PTCH1: variants seen among roughly 807,000 people sequenced by gnomAD.
PTCH1 encodes patched 1, also known as protein patched homolog 1.
A neutral mutation model predicts 144.6 loss-of-function variants in PTCH1; 14 were observed. That is an observed-to-expected ratio of 0.10 (90% CI 0.06 to 0.15). PTCH1 has a LOEUF of 0.15. Ranked by LOEUF, PTCH1 falls within the 10% of genes least tolerant of loss-of-function variation. The probability of loss-of-function intolerance (pLI) is 1.00; values close to 1 mark genes in which losing one functional copy is unlikely to be tolerated. For synonymous variants in PTCH1, 833 were observed against 793.6 expected, an observed-to-expected ratio of 1.05 and a Z score of -0.83; for missense variants, 1,623 against 1,948.3, an observed-to-expected ratio of 0.83 and a Z score of 3.14.
rs749651063 is a variant in PTCH1 at position 95,467,171 on chromosome 9, T to C, written c.2505A>G (p.Glu835=). 19 of 1,614,140 alleles carry C rather than the reference T, an allele frequency of 1.2e-5. No individual in the cohort carries two copies. The highest frequency in any genetic ancestry group is 1.6e-5 in the Non-Finnish European group (19 of 1,180,056). The change falls in exon 15 of 24, where the codon GAA becomes GAG. Residue 835 remains glutamate, a synonymous_variant. Transcript: ENST00000331920. The stretch of plus-strand genomic sequence containing the variant: ...ACATTTTGGGAAGCTGTTTGTTTTC[T>C]TCCAACATGACATACTTCACGTTAC... ...SFSNVKYVML[E]ENKQLPKMWL...
At chr9:95,512,604 A>G (rs543728638), upstream of PTCH1, among the ~76,000 whole-genome samples, 15 of 152,012 alleles carry the variant, frequency 9.9e-5, no homozygotes, top group Non-Finnish European at 2.1e-4. Flanking sequence ...TTCCTAATCA[A>G]TCTGCCCTTA....
chr9:95,463,446 C>T (rs1839717201), intron 15 of PTCH1, among the ~76,000 whole-genome samples: 2 of 152,128 alleles, frequency 1.3e-5, no homozygotes, highest in Non-Finnish European at 2.9e-5. Context: ...GGCATGCACA[C>T]ACAGGGTACT....
chr9:95,449,448 C>G lies in PTCH1; in HGVS notation c.3550-125G>C. On this transcript the variant is annotated intron_variant, in intron 21 of 23. Transcript: ENST00000331920. This position sits in a 1 kb window ranked among gnomAD's most constrained non-coding sequence, Gnocchi z 5.3. Reference sequence around the variant, plus strand: ...TGCCCTGGGGCCCTGCGCACTGTGCCGTATTAACCTCCCCTTCTCTACCAC... The same window carrying G: ...TGCCCTGGGGCCCTGCGCACTGTGCGGTATTAACCTCCCCTTCTCTACCAC... 3 of 1,347,286 alleles carry G rather than the reference C, an allele frequency of 2.2e-6. No individual in the cohort carries two copies. Among genetic ancestry groups the G allele is most frequent in the Non-Finnish European group, 3.1e-6 (3 of 977,558 alleles). The allele number at this position is 1,347,286 out of a possible 1,614,324, so 83.5% of individuals were successfully genotyped here. A position where few individuals can be genotyped will look rare whatever the true frequency, so the allele number is the denominator to read the frequency against.
intron 12 of PTCH1, among the ~76,000 whole-genome samples, chr9:95,470,403 C>T (rs1048459511): frequency 2.0e-5 from 3 of 152,122 alleles, no homozygotes; most frequent in Non-Finnish European, 2.9e-5. Flanking sequence ...CAATTTCACA[C>T]GTGTCCCCTG....
At chr9:95,492,664 C>T (rs1418157643) in intron 2 of PTCH1, among the ~76,000 whole-genome samples, 3 of 151,866 alleles carry the variant, frequency 2.0e-5, no homozygotes, top group Non-Finnish European at 2.9e-5. Context: ...AAATCCCATA[C>T]ACTTCTGGTC....
intron 1 of PTCH1, chr9:95,507,925 C>T: frequency 7.0e-7 from 1 of 1,422,720 alleles, no homozygotes; most frequent in Non-Finnish European, 9.3e-7. Context: ...CACACGCACA[C>T]ACACACACCT....
chr9:95,466,979 T>C, intron 15 of PTCH1, 137 bp downstream of exon 15: 1 of 972,486 alleles, frequency 1.0e-6, no homozygotes, highest in Admixed American at 2.5e-5. Flanking sequence ...TGTAAGAATC[T>C]TGAGCAACTC....
chr9:95,478,204 T>G lies in PTCH1; in HGVS notation c.1216-18A>C. On this transcript the variant is annotated intron_variant, in intron 8 of 23. Transcript: ENST00000331920. ...TGAACCACCTGTGGTCACAACAGAA[T>G]GCGAAATGCCCAAATGCAATGAACA... 1 of 1,614,118 alleles carries G rather than the reference T, an allele frequency of 6.2e-7. No individual in the cohort carries two copies. The highest frequency in any genetic ancestry group is 8.5e-7 in the Non-Finnish European group (1 of 1,180,004).
At position 95,449,554 on chromosome 9, in the gene PTCH1, T is replaced by C. The variant is rs1363832717; in HGVS notation, c.3550-231A>G. The C allele has an allele frequency of 1.5e-6, 1 of 657,104 alleles. No individual in the cohort carries two copies. The highest frequency in any genetic ancestry group is 2.6e-6 in the Non-Finnish European group (1 of 384,812). The allele number at this position is 657,104 out of a possible 1,614,324, so 40.7% of individuals were successfully genotyped here. On this transcript the variant is annotated intron_variant, in intron 21 of 23. Transcript: ENST00000331920. The surrounding 1 kb of genome is among the most constrained non-coding windows in gnomAD (Gnocchi z 5.3). ...CTGGAAAGGCAGGATGTGTACTTTT[T>C]ACTCTTGTGAAGTCCAATTATGCAT...
At chr9:95,475,151 C>T (rs1840914085) in intron 12 of PTCH1, among the ~76,000 whole-genome samples, 1 of 152,216 alleles carries the variant, frequency 6.6e-6, no homozygotes. Context: ...CTATGAATTT[C>T]AGGTAGCTCA....
intron 20 of PTCH1, chr9:95,452,502 A>G (rs1273924231): frequency 6.6e-6 from 1 of 152,218 alleles, no homozygotes; most frequent in African/African-American, 2.4e-5. Flanking sequence ...TCTATCCAAG[A>G]GCAGGTCCCT....
At chr9:95,482,642 G>T (rs1215974115) in intron 3 of PTCH1, 1 of 255,690 alleles carries the variant, frequency 3.9e-6, no homozygotes, top group East Asian at 1.1e-4. Context: ...TCCTTAATAG[G>T]TAGTATTCAA....
At position 95,456,261 on chromosome 9, in the gene PTCH1, A is replaced by G. The variant is rs751621025; in HGVS notation, c.3306+15T>C. On this transcript the variant is annotated intron_variant, in intron 19 of 23. Transcript: ENST00000331920. ...TGTTTTTTCACAAAGTTTTTGCTTC[A>G]AATGTCTCCCATACCAAAGCAACGT... 1 of 1,613,184 alleles carries G rather than the reference A, an allele frequency of 6.2e-7. No homozygotes were observed. Among genetic ancestry groups the G allele is most frequent in the South Asian group, 1.1e-5 (1 of 91,082 alleles).
intron 18 of PTCH1, among the ~76,000 whole-genome samples, chr9:95,457,022 C>G (rs565171045): frequency 1.3e-4 from 20 of 152,256 alleles, no homozygotes; most frequent in African/African-American, 4.3e-4. Flanking sequence ...GAGCCCTGCA[C>G]TTTGAAGAGC....
chr9:95,468,544 T>G (rs1462820233), intron 14 of PTCH1, among the ~76,000 whole-genome samples: 1 of 152,180 alleles, frequency 6.6e-6, no homozygotes, highest in Non-Finnish European at 1.5e-5. Flanking sequence ...ACTTGCTGCA[T>G]AGAGGTTCAC....
At chr9:95,483,384 G>A (rs1432546706) in intron 3 of PTCH1, 3 of 148,144 alleles carry the variant, frequency 2.0e-5, no homozygotes, top group Non-Finnish European at 4.5e-5. Flanking sequence ...ATCTGGAAGA[G>A]TGGGGATGGA....
rs897911236 is a variant in PTCH1, at chr9:95,463,251, C to G, written c.2561-1253G>C. Among the ~76,000 whole-genome samples the G allele has an allele frequency of 3.9e-5, 6 of 152,044 alleles. No individual in the cohort carries two copies. In the East Asian group the frequency reaches 1.2e-3, roughly 29 times the overall value. ...TGTGGGGAGGGAGGGGGAGCACAGG[C>G]CCCCTTCTGTCTCTCTAAGAAGCGA... On this transcript the variant is annotated intron_variant, in intron 15 of 23. Coordinates refer to ENST00000331920, the MANE Select transcript of PTCH1 (RefSeq NM_000264.5).
At chr9:95,511,012 C>T (rs1026145875), upstream of PTCH1, among the ~76,000 whole-genome samples, 2 of 149,886 alleles carry the variant, frequency 1.3e-5, no homozygotes, top group Non-Finnish European at 3.0e-5. Flanking sequence ...GCCGGACGCG[C>T]CGTAGTACAT....
At chr9:95,462,036 C>T (rs1184955025) in intron 15 of PTCH1, 38 bp from the exon 16 acceptor site, 1 of 1,613,682 alleles carries the variant, frequency 6.2e-7, no homozygotes, top group Non-Finnish European at 8.5e-7. Flanking sequence ...TTATAACTCG[C>T]AGCCAGAAGG....
Sources: allele counts gnomAD v4.1 joint callset (sites outside exome capture counted in the v4.1 genomes callset), GRCh38; gene constraint gnomAD v4.1.1; non-coding constraint Gnocchi (gnomAD v3.1); transcripts MANE v1.5; gene names NCBI Gene and HGNC (gene_info 2026-07-23, HGNC 2026-07-21).